Variants in KCNJ6 observed in about 807,000 individuals in gnomAD.
The protein encoded by KCNJ6 is potassium inwardly rectifying channel subfamily J member 6.
KCNJ6 carries 9 observed loss-of-function variants against 34.2 expected under a neutral mutation model. The observed-to-expected ratio is 0.26, with a 90% CI of 0.16 to 0.46. KCNJ6 has a LOEUF of 0.46. Among genes scored for constraint, KCNJ6 ranks in the 20% least tolerant of loss-of-function variants. The probability of loss-of-function intolerance (pLI) is 1.00; values close to 1 mark genes in which losing one functional copy is unlikely to be tolerated. For synonymous variants in KCNJ6, 196 were observed against 207.1 expected (o/e 0.95, Z 0.46); for missense variants, 236 against 531.3 (o/e 0.44, Z 5.46).
At chr21:37,660,293 G>A (rs574151918) in intron 3 of KCNJ6, among the ~76,000 whole-genome samples, 1 of 152,342 alleles carries the variant, frequency 6.6e-6, no homozygotes, top group African/African-American at 2.4e-5. Flanking sequence ...AGGGTGCAAG[G>A]CCCTAGACAA....
At chr21:37,659,407 C>A (rs1261708882) in intron 3 of KCNJ6, among the ~76,000 whole-genome samples, 4 of 152,222 alleles carry the variant, frequency 2.6e-5, no homozygotes, top group African/African-American at 9.7e-5. Flanking sequence ...GGGCCTGTGG[C>A]AACCCCTCAC....
intron 2 of KCNJ6, among the ~76,000 whole-genome samples, chr21:37,733,334 G>T (rs774236900): frequency 1.8e-5 from 2 of 111,972 alleles, no homozygotes; most frequent in Non-Finnish European, 3.6e-5. Context: ...TTGGTATTTC[G>T]GGGGTCTTTT....
At position 37,617,169 on chromosome 21, in the gene KCNJ6, T is replaced by TTCCTTCCTTCC. The variant is rs2054274813; in HGVS notation, c.*7989_*7990insGGAAGGAAGGA. On this transcript the variant is annotated 3_prime_UTR_variant, in exon 4 of 4. Transcript: ENST00000609713. ...CTTCCTTCCTTCTTTCTTTATCTTT[T>TTCCTTCCTTCC]TTCCTTCCTTCCTTCCTTCCTTCCT... The TTCCTTCCTTCC allele has an allele frequency of 3.2e-5, 3 of 93,874 alleles. No individual in the cohort carries two copies. Among genetic ancestry groups the TTCCTTCCTTCC allele is most frequent in the African/African-American group, 4.5e-5 (1 of 22,402 alleles). 5.8% of individuals were successfully genotyped at this position (93,874 alleles called of 1,614,324 possible).
chr21:37,746,265 C>G (rs371540866), intron 2 of KCNJ6, among the ~76,000 whole-genome samples: 2 of 152,056 alleles, frequency 1.3e-5, no homozygotes, highest in East Asian at 1.9e-4. Context: ...GAGGTGGGAG[C>G]GGGTTAAGGA....
chr21:37,752,348 C>T (rs934870403), intron 2 of KCNJ6, among the ~76,000 whole-genome samples: 2 of 152,044 alleles, frequency 1.3e-5, no homozygotes, highest in Non-Finnish European at 2.9e-5. Flanking sequence ...TGACCAGCAT[C>T]CTAGGAGGTG....
chr21:37,864,993 C>T (rs1035560795), intron 1 of KCNJ6, among the ~76,000 whole-genome samples: 2 of 151,954 alleles, frequency 1.3e-5, no homozygotes, highest in Non-Finnish European at 2.9e-5. Flanking sequence ...GCATGAGTCA[C>T]TGTGCCTGGC....
chr21:37,708,300 T>C (rs2054731901), intron 3 of KCNJ6, among the ~76,000 whole-genome samples: 3 of 152,310 alleles, frequency 2.0e-5, no homozygotes, highest in East Asian at 3.9e-4. Context: ...GTGTGCACCA[T>C]AGCATCCAAA....
intron 2 of KCNJ6, among the ~76,000 whole-genome samples, chr21:37,780,730 T>C (rs895541079): frequency 3.9e-5 from 6 of 152,152 alleles, no homozygotes; most frequent in African/African-American, 1.4e-4. Flanking sequence ...GACTACATAA[T>C]TGGATAGTTT....
chr21:37,648,200 A>G (rs1194296847), intron 3 of KCNJ6, among the ~76,000 whole-genome samples: 1 of 152,146 alleles, frequency 6.6e-6, no homozygotes, highest in African/African-American at 2.4e-5. Context: ...TCTACAGGGG[A>G]GGAGGCTGTG....
At chr21:37,699,066 A>G (rs533789545) in intron 3 of KCNJ6, among the ~76,000 whole-genome samples, 11 of 152,190 alleles carry the variant, frequency 7.2e-5, no homozygotes, top group Non-Finnish European at 1.3e-4. Context: ...GACATGTGAA[A>G]ATGATATGTG....
chr21:37,729,329 C>CT (rs1288117472), intron 2 of KCNJ6, among the ~76,000 whole-genome samples: 1 of 110,264 alleles, frequency 9.1e-6, no homozygotes, highest in South Asian at 3.3e-4. Flanking sequence ...GATTCTTCTT[C>CT]TTTTTGGGGG....
chr21:37,833,811 G>A (rs1371778180), intron 2 of KCNJ6, among the ~76,000 whole-genome samples: 1 of 152,218 alleles, frequency 6.6e-6, no homozygotes. Flanking sequence ...CACACTGACT[G>A]TGGACCAAAA....
At chr21:37,814,120 G>A (rs889794326) in intron 2 of KCNJ6, among the ~76,000 whole-genome samples, 5 of 152,150 alleles carry the variant, frequency 3.3e-5, no homozygotes, top group Non-Finnish European at 5.9e-5. Context: ...TTTCTCAAAA[G>A]GAGATATACA....
intron 2 of KCNJ6, among the ~76,000 whole-genome samples, chr21:37,813,540 T>C (rs1027504074): frequency 6.6e-6 from 1 of 152,206 alleles, no homozygotes; most frequent in African/African-American, 2.4e-5. Flanking sequence ...AACAGGGTAC[T>C]GGCATAAAAA....
chr21:37,614,536 CTGTG>C lies in KCNJ6; in HGVS notation c.*10619_*10622del, dbSNP rs754462320. ...TGTATGCATGTGTGTATGCATGTCT[CTGTG>C]TATGCGTGTGTGTGTATGCGTGTGT... On this transcript the variant is annotated 3_prime_UTR_variant, in exon 4 of 4. Transcript: ENST00000609713. 1 of 72,234 alleles carries C rather than the reference CTGTG, an allele frequency of 1.4e-5. No individual in the cohort carries two copies. The allele number at this position is 72,234 out of a possible 1,614,324, so 4.5% of individuals were successfully genotyped here.
chr21:37,694,775 T>G (rs566539206), intron 3 of KCNJ6, among the ~76,000 whole-genome samples: 53 of 152,248 alleles, frequency 3.5e-4, no homozygotes, highest in African/African-American at 1.3e-3. Context: ...GTCCCAAAGG[T>G]GAAACGTCCC....
intron 3 of KCNJ6, among the ~76,000 whole-genome samples, chr21:37,694,019 TTGTC>T (rs1359959884): frequency 2.6e-5 from 4 of 152,222 alleles, no homozygotes; most frequent in African/African-American, 9.6e-5. Context: ...CCTAGCCTTT[TTGTC>T]TAACAGTTTT....
chr21:37,711,269 C>T (rs1192771485), intron 3 of KCNJ6, among the ~76,000 whole-genome samples: 1 of 152,246 alleles, frequency 6.6e-6, no homozygotes, highest in Non-Finnish European at 1.5e-5. Context: ...TGTGGGACAA[C>T]TCCGGTCTCC....
At chr21:37,672,629 C>CT (rs1340120869) in intron 3 of KCNJ6, among the ~76,000 whole-genome samples, 1 of 152,008 alleles carries the variant, frequency 6.6e-6, no homozygotes, top group East Asian at 1.9e-4. Flanking sequence ...TTAGTATAAA[C>CT]TTATCAGCTA....
Sources: allele counts gnomAD v4.1 joint callset (sites outside exome capture counted in the v4.1 genomes callset), GRCh38; gene constraint gnomAD v4.1.1; transcripts MANE v1.5; gene names NCBI Gene and HGNC (gene_info 2026-07-23, HGNC 2026-07-21).